The following KCNH7 variants were observed in gnomAD, a reference collection of about 807,000 sequenced individuals.
KCNH7 encodes the protein potassium voltage-gated channel subfamily H member 7, also known as voltage-gated inwardly rectifying potassium channel KCNH7.
KCNH7 carries 49 observed loss-of-function variants against 120.8 expected under a neutral mutation model. The ratio of observed to expected loss-of-function variants is 0.41; its 90% CI spans 0.32 to 0.51. The LOEUF (loss-of-function observed/expected upper bound fraction) is 0.51. Among genes scored for constraint, KCNH7 ranks in the 20% least tolerant of loss-of-function variants. The pLI is 0.38. For synonymous variants in KCNH7, 547 were observed against 516.1 expected (o/e 1.06, Z -0.81); for missense variants, 1,097 against 1,446.6 (o/e 0.76, Z 3.92).
chr2:162,500,291 CAT>C (rs1558979842), intron 6 of KCNH7, among the ~76,000 whole-genome samples: 1 of 146,272 alleles, frequency 6.8e-6, no homozygotes, highest in Non-Finnish European at 1.5e-5. Flanking sequence ...TAATATATAA[CAT>C]GTATATTATA....
At chr2:162,522,840 T>A (rs1018513633) in intron 3 of KCNH7, among the ~76,000 whole-genome samples, 49 of 151,978 alleles carry the variant, frequency 3.2e-4, no homozygotes, top group African/African-American at 1.1e-3. Flanking sequence ...TTAATATGCA[T>A]GAATATAATT....
At position 162,384,774 on chromosome 2, in the gene KCNH7, A is replaced by C; in HGVS notation, c.2876T>G (p.Ile959Arg). 6.2e-7 allele frequency: 1 copy of C among 1,612,746 alleles called. No individual in the cohort carries two copies. The highest frequency in any genetic ancestry group is 8.5e-7 in the Non-Finnish European group (1 of 1,179,084). ...AAAATCGAGCCCAGATGCTTTCCCTATTCCTGGAGAAGAGTCTACTATTCC... is the reference window on the plus strand; with the variant it reads ...AAAATCGAGCCCAGATGCTTTCCCTCTTCCTGGAGAAGAGTCTACTATTCC... ...FSGIVDSSPG[I>R]GKASGLDFEE... The change falls in exon 13 of 16, where the codon ATA (isoleucine) becomes AGA (arginine). Residue 959 changes from isoleucine (I) to arginine (R), a missense_variant. By Grantham distance (97) the Ile-to-Arg change is moderately conservative. Around this residue, in one of 8 missense-constraint regions of KCNH7, gnomAD observed 406 missense variants for 410.5 expected, o/e 0.99. Coordinates refer to ENST00000332142, the MANE Select transcript of KCNH7 (RefSeq NM_033272.4).
Position 162,822,150 on chromosome 2 carries a change from T to C in KCNH7, c.307+14387A>G, listed in dbSNP as rs186248194. ...TTTTCAAAAACCGCTGCTAATTTCT[T>C]CTTTGACCTATGATGTAAAAATTTG... On this transcript the variant is annotated intron_variant, in intron 2 of 15. Coordinates refer to ENST00000332142, the MANE Select transcript of KCNH7 (RefSeq NM_033272.4). Among the ~76,000 whole-genome samples the C allele has an allele frequency of 2.9e-5, 3 of 103,230 alleles. 1 individual carries two copies. The Admixed American group carries it at 3.2e-4, about 11-fold the overall frequency. 67.7% of individuals were successfully genotyped at this position (103,230 alleles called of 152,430 possible).
chr2:162,578,555 G>A (rs1693762733), intron 2 of KCNH7, among the ~76,000 whole-genome samples: 1 of 152,018 alleles, frequency 6.6e-6, no homozygotes, highest in South Asian at 2.1e-4. Flanking sequence ...GGTAGAGCAT[G>A]ACACTGGAAA....
At chr2:162,782,136 C>T (rs1466804290) in intron 2 of KCNH7, among the ~76,000 whole-genome samples, 1 of 152,206 alleles carries the variant, frequency 6.6e-6, no homozygotes, top group Non-Finnish European at 1.5e-5. Context: ...AACATTGCTA[C>T]TGGCTTTTGT....
chr2:162,428,910 G>A (rs1687961866), intron 8 of KCNH7, among the ~76,000 whole-genome samples: 2 of 151,654 alleles, frequency 1.3e-5, no homozygotes, highest in Non-Finnish European at 3.0e-5. Context: ...TCTTTAGACA[G>A]CATATGGCTG....
intron 9 of KCNH7, among the ~76,000 whole-genome samples, chr2:162,401,939 C>T (rs1049001383): frequency 7.2e-5 from 11 of 151,824 alleles, no homozygotes; most frequent in Non-Finnish European, 1.3e-4. Context: ...AAATAGTGTG[C>T]CAATTGTTAG....
At chr2:162,603,015 C>G (rs1694609667) in intron 2 of KCNH7, among the ~76,000 whole-genome samples, 1 of 150,892 alleles carries the variant, frequency 6.6e-6, no homozygotes, top group Non-Finnish European at 1.5e-5. Flanking sequence ...ACAGCAGGGA[C>G]TACACAGGGT....
chr2:162,817,483 T>A (rs1220521703), intron 2 of KCNH7, among the ~76,000 whole-genome samples: 2 of 152,106 alleles, frequency 1.3e-5, no homozygotes, highest in African/African-American at 4.8e-5. Flanking sequence ...GACTTTTAGG[T>A]TGTTTCCAGA....
Position 162,760,166 on chromosome 2 carries a change from CAT to C in KCNH7, c.307+76369_307+76370del, listed in dbSNP as rs561206013. On this transcript the variant is annotated intron_variant, in intron 2 of 15. Coordinates refer to ENST00000332142, the MANE Select transcript of KCNH7 (RefSeq NM_033272.4). ...CACTTTGACATAGTTTGAAACGTGA[CAT>C]GTTCAGTGGAAATCTAACGCAGGGG... Among the ~76,000 whole-genome samples the C allele has an allele frequency of 3.0e-3, 450 of 152,138 alleles. 4 individuals are homozygous for C. Among genetic ancestry groups the C allele is most frequent in the Non-Finnish European group, 2.8e-3 (191 of 67,986 alleles).
chr2:162,718,603 C>G (rs1452937824), intron 2 of KCNH7, among the ~76,000 whole-genome samples: 1 of 151,834 alleles, frequency 6.6e-6, no homozygotes, highest in Non-Finnish European at 1.5e-5. Context: ...TAAAGTGGCT[C>G]TGGAAGAACT....
chr2:162,412,463 A>T (rs962254646), intron 9 of KCNH7, among the ~76,000 whole-genome samples: 6 of 152,154 alleles, frequency 3.9e-5, no homozygotes, highest in Admixed American at 6.6e-5. Flanking sequence ...ATATTTAAAT[A>T]CCAAAGTTAT....
intron 13 of KCNH7, among the ~76,000 whole-genome samples, chr2:162,381,123 A>G (rs1047178566): frequency 2.0e-5 from 3 of 152,050 alleles, no homozygotes; most frequent in Non-Finnish European, 2.9e-5. Flanking sequence ...CTTCACTGGG[A>G]GGGCTAGTAG....
Position 162,536,982 on chromosome 2 carries a change from C to T in KCNH7, c.406G>A (p.Glu136Lys), listed in dbSNP as rs1692131155. Reference protein sequence around the residue: ...IINFEYVTDNENAATPERVNP... With the variant: ...IINFEYVTDNKNAATPERVNP... ...ACCCTCTCTGGGGTGGCAGCGTTTT[C>T]ATTATCCGTCACATATTCAAAATTA... Residue 136 changes from glutamate to lysine, a missense_variant, in exon 3 of 16, where the codon GAA becomes AAA. By Grantham distance (56) the Glu-to-Lys change is moderately conservative. Around this residue, in one of 8 missense-constraint regions of KCNH7, gnomAD observed 362 missense variants for 372.2 expected, o/e 0.97. Coordinates refer to ENST00000332142, the MANE Select transcript of KCNH7 (RefSeq NM_033272.4). 6 of 1,612,944 alleles carry T rather than the reference C, an allele frequency of 3.7e-6. No individual in the cohort carries two copies. The East Asian group carries it at 1.3e-4, about 36-fold the overall frequency.
chr2:162,778,641 A>G (rs1238508138), intron 2 of KCNH7, among the ~76,000 whole-genome samples: 1 of 137,392 alleles, frequency 7.3e-6, no homozygotes. Flanking sequence ...ATATGCAATA[A>G]ATATCAAAAG....
intron 2 of KCNH7, among the ~76,000 whole-genome samples, chr2:162,707,261 C>T (rs1686743927): frequency 4.6e-5 from 7 of 151,926 alleles, no homozygotes; most frequent in Admixed American, 4.6e-4. Context: ...AAAGAGCAAA[C>T]AGAATTCATA....
intron 2 of KCNH7, among the ~76,000 whole-genome samples, chr2:162,562,315 T>C (rs142601584): frequency 0.022 from 3,307 of 152,304 alleles, 59 homozygotes; most frequent in South Asian, 0.088. Flanking sequence ...TTTATTAAAA[T>C]GGTGTTCATA....
intron 2 of KCNH7, among the ~76,000 whole-genome samples, chr2:162,826,775 T>TC (rs980585147): frequency 2.0e-5 from 3 of 152,202 alleles, no homozygotes; most frequent in East Asian, 1.9e-4. Flanking sequence ...CCTTAATAAG[T>TC]CCCTTCAAAA....
At chr2:162,420,350 T>C (rs1687663589) in intron 9 of KCNH7, among the ~76,000 whole-genome samples, 1 of 152,168 alleles carries the variant, frequency 6.6e-6, no homozygotes, top group South Asian at 2.1e-4. Flanking sequence ...CACTCTAGGC[T>C]GGGAAATAGA....
Sources: allele counts gnomAD v4.1 joint callset (sites outside exome capture counted in the v4.1 genomes callset), GRCh38; gene constraint gnomAD v4.1.1; regional missense constraint gnomAD v4.1.1; transcripts MANE v1.5; gene names NCBI Gene and HGNC (gene_info 2026-07-23, HGNC 2026-07-21).